Variants in SSX5 observed in about 807,000 individuals in gnomAD.
SSX5 encodes protein SSX5.
SSX5 carries 14 observed loss-of-function variants against 14.9 expected under a neutral mutation model. The observed-to-expected ratio is 0.94, with a 90% CI of 0.62 to 1.47. SSX5 has a LOEUF of 1.47. Among genes scored for constraint, SSX5 ranks in the 40% most tolerant of loss-of-function variants. SSX5 has a pLI of 0.00. For synonymous variants in SSX5, 70 were observed against 55.4 expected, an observed-to-expected ratio of 1.26 and a Z score of -1.17; for missense variants, 204 against 154.6, an observed-to-expected ratio of 1.32 and a Z score of -1.70.
chrX:48,189,941 GT>G (rs1303207390), intron 6 of SSX5, among the ~76,000 whole-genome samples, 191 bp downstream of exon 6: 1 of 111,686 alleles, frequency 9.0e-6, no homozygotes, highest in Non-Finnish European at 1.9e-5. Flanking sequence ...AAGTCACGTG[GT>G]TTTTTTATAT....
At chrX:48,186,938 C>T in intron 7 of SSX5, 82 bp from the exon 8 acceptor site, 2 of 1,124,934 alleles carry the variant, frequency 1.8e-6, no homozygotes, top group Middle Eastern at 3.4e-4. Context: ...TCCTGACCTG[C>T]AGACCCTGCC....
rs1556925473 is a variant in SSX5, at chrX:48,194,785, T to G, written c.139A>C (p.Ile47Leu). ...TACTTTCTCTTCATATACACATAGA[T>G]GATTTTCTCCGAGGCTTTCATCTTT... ...WEKMKASEKI[I>L]YVYMKRKYEA... The change falls in exon 3 of 8, where the codon ATC becomes CTC. Residue 47 changes from isoleucine (I) to leucine (L), a missense_variant. By Grantham distance (5) the Ile-to-Leu change is conservative. Coordinates refer to ENST00000347757, the MANE Select transcript of SSX5 (RefSeq NM_175723.2). The G allele has an allele frequency of 5.0e-6, 6 of 1,209,022 alleles. No homozygotes were observed. Among genetic ancestry groups the G allele is most frequent in the Non-Finnish European group, 4.5e-6 (4 of 894,713 alleles).
chrX:48,194,317 A>G, intron 3 of SSX5, 93 bp from the exon 4 acceptor site: 1 of 974,718 alleles, frequency 1.0e-6, no homozygotes, highest in Non-Finnish European at 1.5e-6. Flanking sequence ...GGGAGGCTGA[A>G]GCTGGAGGAT....
At chrX:48,188,566 C>A (rs1226510807) in intron 6 of SSX5, among the ~76,000 whole-genome samples, 1 of 112,302 alleles carries the variant, frequency 8.9e-6, no homozygotes, top group African/African-American at 3.2e-5. Context: ...CTCTTCCCTG[C>A]CTCTCTTCCT....
intron 3 of SSX5, 73 bp from the exon 4 acceptor site, chrX:48,194,297 G>C: frequency 1.8e-6 from 2 of 1,082,364 alleles, no homozygotes; most frequent in Non-Finnish European, 2.6e-6. Flanking sequence ...GTCTGTAGTA[G>C]CAGCTCTTTG....
Position 48,194,936 on chromosome X carries a change from A to C in SSX5, c.70-82T>G, listed in dbSNP as rs1159855946. ...GCTGGAGCCGCTTCCTGTGTGCTGG[A>C]TCTGGGAAGTAGGGATGATAATCCG... On this transcript the variant is annotated intron_variant, in intron 2 of 7. Transcript: ENST00000347757. 3 of 1,207,382 alleles carry C rather than the reference A, an allele frequency of 2.5e-6. No homozygotes were observed. In the African/African-American group the frequency reaches 5.2e-5, roughly 21 times the overall value.
chrX:48,186,542 C>G lies in SSX5; in HGVS notation c.*319G>C, dbSNP rs151205458. On this transcript the variant is annotated 3_prime_UTR_variant, in exon 8 of 8. Coordinates refer to ENST00000347757, the MANE Select transcript of SSX5 (RefSeq NM_175723.2). The stretch of plus-strand genomic sequence containing the variant: ...GAGAGGAGGGTAGTGTTGTTCTATG[C>G]AGAGAATACCTGACGATACTTGTTT... 8.2e-4 allele frequency: 343 copies of G among 419,257 alleles called. No homozygotes were observed. Among genetic ancestry groups the G allele is most frequent in the African/African-American group, 7.0e-3 (279 of 40,048 alleles). The allele number at this position is 419,257 out of a possible 1,213,427, so 34.6% of individuals were successfully genotyped here.
intron 1 of SSX5, among the ~76,000 whole-genome samples, chrX:48,195,962 G>A (rs782727990): frequency 4.8e-4 from 54 of 111,394 alleles, no homozygotes; most frequent in Middle Eastern, 9.2e-3. Context: ...AAGAGCCCGG[G>A]AACACTTAGA....
chrX:48,187,797 G>T, intron 6 of SSX5, 66 bp from the exon 7 acceptor site: 1 of 1,144,875 alleles, frequency 8.7e-7, no homozygotes, highest in Non-Finnish European at 1.2e-6. Context: ...TGATTGGAGA[G>T]TGTTAGGCTC....
At chrX:48,194,886 C>T (rs1556925513) in intron 2 of SSX5, 32 bp from the exon 3 acceptor site, 1 of 1,202,580 alleles carries the variant, frequency 8.3e-7, no homozygotes, top group Non-Finnish European at 1.1e-6. Context: ...CTGATAGTGA[C>T]TCAGCTAGGC....
At position 48,186,455 on chromosome X, in the gene SSX5, A is replaced by AT; in HGVS notation, c.*405dup. On this transcript the variant is annotated 3_prime_UTR_variant, in exon 8 of 8. Transcript: ENST00000347757. ...GTGGCATGTGTGTGTGTTTGTGTAA[A>AT]TGCAGAGGAAAAAATCTGAAATTAA... is the stretch of plus-strand genomic sequence containing the variant. The AT allele has an allele frequency of 3.2e-6, 1 of 307,877 alleles. No homozygotes were observed. 25.4% of individuals were successfully genotyped at this position (307,877 alleles called of 1,213,427 possible). A position where few individuals can be genotyped will look rare whatever the true frequency, so the allele number is the denominator to read the frequency against.
In SSX5 at chrX:48,192,266, A is replaced by C; in HGVS notation, c.296T>G (p.Met99Arg). The C allele has an allele frequency of 8.3e-7, 1 of 1,211,694 alleles. No individual in the cohort carries two copies. Among genetic ancestry groups the C allele is most frequent in the Non-Finnish European group, 1.1e-6 (1 of 895,344 alleles). ...GATTCCCTGGAGCCTGCCGAAAGTC[A>C]TCTGAGGATGTTCAACTGAAAGAGA... ...NRGNQVEHPQ[M>R]TFGRLQGIFP... is the part of the protein sequence containing the mutation. The change falls in exon 5 of 8, where the codon ATG becomes AGG. Residue 99 changes from methionine to arginine, a missense_variant. Physicochemically the swap from Met to Arg is moderately conservative, Grantham distance 91. Coordinates refer to ENST00000347757, the MANE Select transcript of SSX5 (RefSeq NM_175723.2).
chrX:48,188,533 G>A (rs2059407638), intron 6 of SSX5, among the ~76,000 whole-genome samples: 1 of 112,404 alleles, frequency 8.9e-6, no homozygotes, highest in African/African-American at 3.2e-5. Context: ...TATTGTGTGT[G>A]TTCTGACTGC....
chrX:48,188,523 T>C (rs2059407595), intron 6 of SSX5, among the ~76,000 whole-genome samples: 1 of 112,285 alleles, frequency 8.9e-6, no homozygotes, highest in Non-Finnish European at 1.9e-5. Context: ...AATCGACAAA[T>C]ATTGTGTGTG....
chrX:48,196,609 C>A (rs1229862304), intron 1 of SSX5, 122 bp downstream of exon 1: 1 of 110,474 alleles, frequency 9.1e-6, no homozygotes, highest in African/African-American at 3.3e-5. Flanking sequence ...TAGAAACTGA[C>A]AGGAAAGATT....
chrX:48,186,891 G>A (rs186298043), intron 7 of SSX5, 35 bp from the exon 8 acceptor site: 4 of 1,194,348 alleles, frequency 3.3e-6, no homozygotes, highest in Admixed American at 2.2e-5. Flanking sequence ...GTAAGTGGCA[G>A]TGAGTTCCCA....
At chrX:48,194,686 G>A in intron 3 of SSX5, 54 bp downstream of exon 3, 3 of 1,128,752 alleles carry the variant, frequency 2.7e-6, no homozygotes, top group Admixed American at 2.6e-5. Flanking sequence ...GCCAAAGCTG[G>A]AAAAGGGATG....
At chrX:48,196,305 G>T (rs1338703814) in intron 1 of SSX5, among the ~76,000 whole-genome samples, 5 of 109,391 alleles carry the variant, frequency 4.6e-5, no homozygotes, top group African/African-American at 1.7e-4. Flanking sequence ...GCAGAAGTGG[G>T]ATGGTGTGCA....
rs782173596 is a variant in SSX5, at chrX:48,187,649, A to C, written c.549T>G (p.Pro183=). ...TACGGAGTTACTCGTCATCTTCCTG[A>C]GGGTCGCTGATCTCTTCATAAATCA... ...QLVIYEEISD[P]QEDDE The change falls in exon 7 of 8, where the codon CCT becomes CCG. Residue 183 remains proline, a synonymous_variant. Transcript: ENST00000347757. The C allele has an allele frequency of 1.6e-5, 19 of 1,207,702 alleles. No individual in the cohort carries two copies. The highest frequency in any genetic ancestry group is 2.2e-5 in the Admixed American group (1 of 45,741).
Sources: allele counts gnomAD v4.1 joint callset (sites outside exome capture counted in the v4.1 genomes callset), GRCh38; gene constraint gnomAD v4.1.1; transcripts MANE v1.5; gene names NCBI Gene and HGNC (gene_info 2026-07-23, HGNC 2026-07-21).